Variants in NOTCH3 observed in about 807,000 individuals in gnomAD.
NOTCH3 encodes the protein neurogenic locus notch homolog protein 3.
A neutral mutation model predicts 213.3 loss-of-function variants in NOTCH3; 86 were observed. The ratio of observed to expected loss-of-function variants is 0.40; its 90% CI spans 0.34 to 0.48. The LOEUF (loss-of-function observed/expected upper bound fraction) is 0.48. NOTCH3 is among the 20% of genes least tolerant of loss of function. NOTCH3 has a pLI of 0.57. For missense variants in NOTCH3, 2,783 were observed against 3,272.6 expected, an observed-to-expected ratio of 0.85 and a Z score of 3.65; for synonymous variants, 1,354 against 1,355.9, an observed-to-expected ratio of 1.00 and a Z score of 0.03.
At chr19:15,184,224 C>T (rs769444164) in intron 16 of NOTCH3, 71 bp downstream of exon 16, 5 of 1,431,084 alleles carry the variant, frequency 3.5e-6, no homozygotes, top group Non-Finnish European at 3.9e-6. Flanking sequence ...CAGCACAGTG[C>T]CAGGCACACA....
chr19:15,170,635 C>T lies in NOTCH3; in HGVS notation c.4891+36G>A, dbSNP rs749417165. Reference sequence around the variant, plus strand: ...GCGGGGCTTCGGCCGCCCCCAGCTCCGCCCCCGCCACCCCCTCCCCAAGGC... The same window carrying T: ...GCGGGGCTTCGGCCGCCCCCAGCTCTGCCCCCGCCACCCCCTCCCCAAGGC... On this transcript the variant is annotated intron_variant, in intron 26 of 32. Transcript: ENST00000263388. 9.1e-5 allele frequency: 139 copies of T among 1,531,924 alleles called. 1 individual carries two copies. The African/African-American group carries it at 1.7e-3, about 18-fold the overall frequency. 94.9% of individuals were successfully genotyped at this position (1,531,924 alleles called of 1,614,324 possible).
At chr19:15,197,464 A>ACCCCCCCCCC in intron 2 of NOTCH3, 36 bp downstream of exon 2, 1 of 636,968 alleles carries the variant, frequency 1.6e-6, no homozygotes, top group Non-Finnish European at 2.7e-6. Context: ...GCCCCCACAC[A>ACCCCCCCCCC]CAGGGCCCAC....
chr19:15,173,135 T>G, intron 25 of NOTCH3, among the ~76,000 whole-genome samples: 1 of 117,622 alleles, frequency 8.5e-6, no homozygotes, highest in Non-Finnish European at 1.7e-5. Context: ...TTTTAAGAGA[T>G]CGGAGGCCGG....
Position 15,185,945 on chromosome 19 carries a change from C to T in NOTCH3, c.1952-266G>A, listed in dbSNP as rs1361132409. 1.3e-5 allele frequency among the ~76,000 whole-genome samples: 2 copies of T among 152,040 alleles called. No homozygotes were observed. The highest frequency in any genetic ancestry group is 2.9e-5 in the Non-Finnish European group (2 of 68,008). ...TTTTTGAGATGGGGTCTCACTCTGT[C>T]GCCCGGGCTGGACTGCAGTGGCATG... On this transcript the variant is annotated intron_variant, in intron 12 of 32. Transcript: ENST00000263388. The surrounding 1 kb of genome is among the most constrained non-coding windows in gnomAD (Gnocchi z 4.2).
At position 15,161,051 on chromosome 19, in the gene NOTCH3, G is replaced by C; in HGVS notation, c.6577C>G (p.Pro2193Ala). The change falls in exon 33 of 33, where the codon CCC (proline) becomes GCC (alanine). Residue 2193 changes from proline (P) to alanine (A), a missense_variant. By Grantham distance (27) the Pro-to-Ala change is conservative (BLOSUM62 -1). Coordinates refer to ENST00000263388, the MANE Select transcript of NOTCH3 (RefSeq NM_000435.3). ...PSFLLPLAPG[P>A]QLLNPGTPVS... is the part of the protein sequence containing the mutation. ...GGGGTCCCTGGGTTGAGCAGCTGGG[G>C]TCCCGGCGCCAGTGGCAGCAGGAAC... The C allele has an allele frequency of 1.9e-6, 3 of 1,539,052 alleles. No homozygotes were observed. The highest frequency in any genetic ancestry group is 2.6e-6 in the Non-Finnish European group (3 of 1,145,382).
chr19:15,179,780 G>A (rs576646715), intron 20 of NOTCH3: 1 of 587,516 alleles, frequency 1.7e-6, no homozygotes, highest in Admixed American at 3.0e-5. Context: ...TATAATGAGA[G>A]GCTGAAGCAG....
rs1478011514 is a variant in NOTCH3 at position 15,165,821 on chromosome 19, G to A, written c.5633C>T (p.Thr1878Ile). The part of the protein sequence containing the change: ...QDHSGRTPLH[T>I]AVTADAQGVF... ...ACCCTGGGCATCGGCTGTGACAGCT[G>A]TGTGCAGGGGAGTGCGGCCTGAGTG... is the stretch of plus-strand genomic sequence containing the variant. Residue 1878 changes from threonine (T) to isoleucine (I), a missense_variant, in exon 30 of 33, where the codon ACA becomes ATA. Physicochemically the swap from Thr to Ile is moderately conservative, Grantham distance 89. Transcript: ENST00000263388. The surrounding 1 kb of genome is among the most constrained non-coding windows in gnomAD (Gnocchi z 4.7). 3 of 1,613,730 alleles carry A rather than the reference G, an allele frequency of 1.9e-6. No homozygotes were observed. Among genetic ancestry groups the A allele is most frequent in the Non-Finnish European group, 2.5e-6 (3 of 1,180,026 alleles).
chr19:15,200,373 G>C (rs1157715446), intron 1 of NOTCH3, among the ~76,000 whole-genome samples: 1 of 151,596 alleles, frequency 6.6e-6, no homozygotes, highest in Non-Finnish European at 1.5e-5. Context: ...GGGGTGTCGG[G>C]GGCGGGGTGG....
chr19:15,168,719 A>C (rs1489988967), intron 28 of NOTCH3, among the ~76,000 whole-genome samples: 1 of 152,058 alleles, frequency 6.6e-6, no homozygotes, highest in Non-Finnish European at 1.5e-5. Flanking sequence ...CTATAATCCC[A>C]GCTACTCGGG....
rs1184522923 is a variant in NOTCH3, at chr19:15,170,439, C to T, written c.5006G>A (p.Arg1669His). The change falls in exon 27 of 33, where the codon CGC becomes CAC. Residue 1669 changes from arginine (R) to histidine (H), a missense_variant. Arg to His is a conservative substitution (Grantham distance 29). Transcript: ENST00000263388. ...VLGVMVARRK[R>H]EHSTLWFPEG... ...AGGGAACCAGAGGGTGCTGTGCTCGCGCTTGCGCCGGGCCACCATGACACC... is the reference window on the plus strand; with the variant it reads ...AGGGAACCAGAGGGTGCTGTGCTCGTGCTTGCGCCGGGCCACCATGACACC... The T allele has an allele frequency of 1.9e-6, 3 of 1,611,514 alleles. No individual in the cohort carries two copies. The highest frequency in any genetic ancestry group is 3.3e-5 in the Admixed American group (2 of 60,036).
intron 25 of NOTCH3, among the ~76,000 whole-genome samples, chr19:15,171,625 T>A (rs941126627): frequency 6.6e-6 from 1 of 151,548 alleles, no homozygotes; most frequent in African/African-American, 2.4e-5. Context: ...AGCCTCCCAA[T>A]GTGCTGGGTT....
At position 15,181,720 on chromosome 19, in the gene NOTCH3, C is replaced by T. The variant is rs572814447; in HGVS notation, c.2648G>A (p.Arg883Gln). 1.3e-6 allele frequency: 2 copies of T among 1,570,544 alleles called. No homozygotes were observed. Among genetic ancestry groups the T allele is most frequent in the Non-Finnish European group, 1.7e-6 (2 of 1,157,354 alleles). ...CSCLPGFAGP[R>Q]CARDVDECLS... ...GCACTCATCCACATCGCGGGCGCAT[C>T]GTGGGCCGGCGAAACCAGGGAGGCA... Residue 883 changes from arginine to glutamine, a missense_variant, in exon 17 of 33, where the codon CGA becomes CAA. Physicochemically the swap from Arg to Gln is conservative, Grantham distance 43. Coordinates refer to ENST00000263388, the MANE Select transcript of NOTCH3 (RefSeq NM_000435.3).
intron 28 of NOTCH3, 37 bp downstream of exon 28, chr19:15,170,049 T>G (rs1308900284): frequency 8.0e-7 from 1 of 1,244,804 alleles, no homozygotes. Flanking sequence ...AGGGGAGGGG[T>G]CAGAGGAGGG....
intron 17 of NOTCH3, 117 bp from the exon 18 acceptor site, chr19:15,181,279 C>A: frequency 1.1e-6 from 1 of 909,584 alleles, no homozygotes; most frequent in Non-Finnish European, 1.8e-6. Flanking sequence ...CTTATCTCGG[C>A]AAGAAGCTGC....
Position 15,179,085 on chromosome 19 carries a change from G to A in NOTCH3, c.3658C>T (p.Arg1220Trp), listed in dbSNP as rs115872852. The A allele has an allele frequency of 6.5e-5, 105 of 1,614,198 alleles. No homozygotes were observed. The African/African-American group carries it at 1.1e-3, about 16-fold the overall frequency. Residue 1220 changes from arginine (R) to tryptophan (W), a missense_variant, in exon 22 of 33, where the codon CGG becomes TGG. This residue lies in a region of NOTCH3 where 861 missense variants were observed against 909.1 expected (regional missense o/e 0.95). Transcript: ENST00000263388. ...CCGCCTGGGTCCTGCAGGCAGTCCC[G>A]GGTGTGTGCCGCGTGGCAGGCACCT... Reference protein sequence around the residue: ...RSGACHAAHTRDCLQDPGGGF... With the variant: ...RSGACHAAHTWDCLQDPGGGF...
chr19:15,168,653 G>T (rs1275891213), intron 28 of NOTCH3, among the ~76,000 whole-genome samples: 1 of 152,032 alleles, frequency 6.6e-6, no homozygotes, highest in Non-Finnish European at 1.5e-5. Context: ...GGCCAACATG[G>T]TGAAACCCCA....
intron 6 of NOTCH3, 38 bp from the exon 7 acceptor site, chr19:15,189,466 C>A (rs754451485): frequency 1.2e-6 from 2 of 1,610,960 alleles, no homozygotes; most frequent in Admixed American, 3.3e-5. Flanking sequence ...GCAGATCTTC[C>A]TGCTCTGCCC....
chr19:15,192,896 C>G (rs2046941464), intron 2 of NOTCH3, among the ~76,000 whole-genome samples: 1 of 151,964 alleles, frequency 6.6e-6, no homozygotes, highest in Admixed American at 6.6e-5. Flanking sequence ...GCCTGGGTGA[C>G]AGAGTAAGAC....
At chr19:15,176,095 T>C (rs2046787862) in intron 24 of NOTCH3, among the ~76,000 whole-genome samples, 2 of 151,344 alleles carry the variant, frequency 1.3e-5, no homozygotes, top group South Asian at 4.2e-4. Context: ...ATGGACAGAT[T>C]CGGCCCAAGG....
Sources: gnomAD v4.1 joint callset for allele counts (sites outside exome capture counted in the v4.1 genomes callset) on GRCh38, gnomAD v4.1.1 for gene constraint, gnomAD v4.1.1 regional missense constraint, Gnocchi (gnomAD v3.1) non-coding constraint, MANE v1.5 for transcripts, NCBI Gene and HGNC (gene_info 2026-07-23, HGNC 2026-07-21) for gene names.